PIP5K1A: variants seen among roughly 807,000 people sequenced by gnomAD.
PIP5K1A encodes phosphatidylinositol 4-phosphate 5-kinase type-1 alpha.
PIP5K1A carries 46 observed loss-of-function variants against 72.9 expected under a neutral mutation model. That is an observed-to-expected ratio of 0.63 (90% CI 0.50 to 0.81). The LOEUF is 0.81. Among genes scored for constraint, PIP5K1A ranks in the 30% least tolerant of loss-of-function variants. The pLI is 0.00. For missense variants in PIP5K1A, 458 were observed against 706.1 expected (o/e 0.65, Z 3.98); for synonymous variants, 228 against 255.1 (o/e 0.89, Z 1.01).
chr1:151,202,350 A>G (rs1017415403), intron 1 of PIP5K1A, among the ~76,000 whole-genome samples: 2 of 152,242 alleles, frequency 1.3e-5, no homozygotes, highest in African/African-American at 4.8e-5. Flanking sequence ...GAATTTCTAC[A>G]GGGCCAGCCT....
chr1:151,224,061 T>TG (rs1688769082), intron 1 of PIP5K1A, 184 bp from the exon 2 acceptor site: 2 of 625,306 alleles, frequency 3.2e-6, no homozygotes, highest in South Asian at 4.0e-5. Context: ...ACGAGGCCTA[T>TG]GTGAGTATGG....
intron 1 of PIP5K1A, among the ~76,000 whole-genome samples, chr1:151,200,976 C>A (rs2101834232): frequency 6.6e-6 from 1 of 152,062 alleles, no homozygotes; most frequent in East Asian, 1.9e-4. Flanking sequence ...ACTACAGGCG[C>A]CCACCACCAC....
chr1:151,206,652 A>T (rs1685973388), intron 1 of PIP5K1A, among the ~76,000 whole-genome samples: 1 of 151,626 alleles, frequency 6.6e-6, no homozygotes, highest in South Asian at 2.1e-4. Context: ...TGCAACCTCC[A>T]CCTCCCGGGT....
chr1:151,242,246 C>G lies in PIP5K1A; in HGVS notation c.1487C>G (p.Thr496Arg), dbSNP rs1691846719. The G allele has an allele frequency of 6.2e-7, 1 of 1,614,030 alleles. No homozygotes were observed. Among genetic ancestry groups the G allele is most frequent in the Non-Finnish European group, 8.5e-7 (1 of 1,180,016 alleles). ...SVSGEHKAQV[T>R]TKAEVEPGVH... The stretch of plus-strand genomic sequence containing the variant: ...TCTGGGGAACACAAGGCACAAGTGA[C>G]AACAAAGGCAGAAGTGGAGCCAGGT... The change falls in exon 13 of 16, where the codon ACA becomes AGA. Residue 496 changes from threonine (T) to arginine (R), a missense_variant. Coordinates refer to ENST00000368888, the MANE Select transcript of PIP5K1A (RefSeq NM_001135638.2).
chr1:151,210,917 A>T lies in PIP5K1A; in HGVS notation c.85+11836A>T, dbSNP rs587716566. Among the ~76,000 whole-genome samples the T allele has an allele frequency of 1.4e-4, 21 of 152,252 alleles. No individual in the cohort carries two copies. The South Asian group carries it at 4.1e-3, about 30-fold the overall frequency. ...GACATATTTATGTAGTAGTGTTGGT[A>T]GGCAATTAAATTGGACCTCAGGGAT... On this transcript the variant is annotated intron_variant, in intron 1 of 15. Coordinates refer to ENST00000368888, the MANE Select transcript of PIP5K1A (RefSeq NM_001135638.2).
intron 13 of PIP5K1A, 34 bp from the exon 14 acceptor site, chr1:151,242,404 T>A: frequency 6.2e-7 from 1 of 1,613,190 alleles, no homozygotes; most frequent in African/African-American, 1.3e-5. Flanking sequence ...TTCCTTGTAT[T>A]TACTGTACCC....
At chr1:151,247,326 A>G (rs1018089911) in intron 15 of PIP5K1A, among the ~76,000 whole-genome samples, 6 of 151,924 alleles carry the variant, frequency 3.9e-5, no homozygotes, top group Non-Finnish European at 8.8e-5. Flanking sequence ...GCAGGGTTTC[A>G]TCATATTGGA....
intron 1 of PIP5K1A, among the ~76,000 whole-genome samples, chr1:151,206,543 G>T (rs1685952989): frequency 6.6e-6 from 1 of 152,004 alleles, no homozygotes; most frequent in Non-Finnish European, 1.5e-5. Context: ...TTTAATTAGA[G>T]TATATTAATA....
intron 1 of PIP5K1A, chr1:151,224,025 G>T: frequency 3.5e-6 from 2 of 567,338 alleles, no homozygotes. Flanking sequence ...AATAAGAAAG[G>T]GGTCTAGAAT....
chr1:151,200,535 C>CT (rs1166200649), intron 1 of PIP5K1A, among the ~76,000 whole-genome samples: 1 of 152,036 alleles, frequency 6.6e-6, no homozygotes, highest in Non-Finnish European at 1.5e-5. Context: ...GGATGCTTTG[C>CT]TTGAGATTTT....
At chr1:151,218,147 C>T (rs1687903582) in intron 1 of PIP5K1A, among the ~76,000 whole-genome samples, 3 of 152,152 alleles carry the variant, frequency 2.0e-5, no homozygotes, top group Non-Finnish European at 4.4e-5. Context: ...AGGACCTTAA[C>T]GTCTGTAAAA....
At chr1:151,240,313 A>C in intron 12 of PIP5K1A, 3 of 400,844 alleles carry the variant, frequency 7.5e-6, no homozygotes, top group Non-Finnish European at 9.0e-6. Flanking sequence ...TAAATAAATA[A>C]TGTGTAGTTG....
intron 14 of PIP5K1A, among the ~76,000 whole-genome samples, chr1:151,246,256 C>T (rs1258393747): frequency 2.6e-5 from 4 of 152,064 alleles, no homozygotes; most frequent in Admixed American, 6.6e-5. Flanking sequence ...AAAAAGAAAA[C>T]AAAAATTTGT....
chr1:151,238,369 C>G (rs956449378), intron 10 of PIP5K1A, 104 bp downstream of exon 10: 1 of 763,624 alleles, frequency 1.3e-6, no homozygotes, highest in Admixed American at 2.0e-5. Context: ...GAAGCAAGAA[C>G]AGTGAGTTGC....
chr1:151,205,431 T>C (rs61817972), intron 1 of PIP5K1A, among the ~76,000 whole-genome samples: 101,937 of 151,652 alleles, frequency 0.67, 34,506 homozygotes, highest in Non-Finnish European at 0.71. Context: ...CTGCCTTGGC[T>C]TCCCAAAGTT....
In PIP5K1A at chr1:151,242,519, CCA is replaced by C. The variant is rs1204461881; in HGVS notation, c.1593_1594del (p.Ser532PhefsTer22). On this transcript the variant is annotated frameshift_variant, in exon 14 of 16. Coordinates refer to ENST00000368888, the MANE Select transcript of PIP5K1A (RefSeq NM_001135638.2). LOFTEE classifies it high-confidence loss of function. Reference sequence around the variant, plus strand: ...AGTGAGGGCTCGCCTATTCCTGACCCCAGTTTCTCACCTCTAGTTGGAGAGAC... The same window carrying C: ...AGTGAGGGCTCGCCTATTCCTGACCCGTTTCTCACCTCTAGTTGGAGAGAC... 1 of 1,613,754 alleles carries C rather than the reference CCA, an allele frequency of 6.2e-7. No homozygotes were observed. The highest frequency in any genetic ancestry group is 1.7e-5 in the Admixed American group (1 of 60,002).
At chr1:151,228,114 C>T (rs1452649466) in intron 4 of PIP5K1A, among the ~76,000 whole-genome samples, 1 of 151,922 alleles carries the variant, frequency 6.6e-6, no homozygotes, top group Non-Finnish European at 1.5e-5. Flanking sequence ...TACAAATATA[C>T]ACAATAGGTC....
chr1:151,240,981 G>A (rs1272692039), intron 12 of PIP5K1A, among the ~76,000 whole-genome samples: 1 of 151,930 alleles, frequency 6.6e-6, no homozygotes, highest in Non-Finnish European at 1.5e-5. Flanking sequence ...TCTAACCAAC[G>A]TGTTGAAACC....
chr1:151,239,172 T>C lies in PIP5K1A; in HGVS notation c.1272T>C (p.His424=), dbSNP rs769268654. The change falls in exon 11 of 16, where the codon CAT becomes CAC. Residue 424 remains histidine, a synonymous_variant. Transcript: ENST00000368888. ...KLEHSWKALV[H]DGDTVSVHRP... ...AGCACTCTTGGAAAGCCCTGGTACATGACGGAGTAAGTAGTAATACTAGAG... is the reference window on the plus strand; with the variant it reads ...AGCACTCTTGGAAAGCCCTGGTACACGACGGAGTAAGTAGTAATACTAGAG... 1.9e-6 allele frequency: 3 copies of C among 1,607,132 alleles called. No individual in the cohort carries two copies. The highest frequency in any genetic ancestry group is 2.2e-5 in the South Asian group (2 of 90,892).
Sources: allele counts gnomAD v4.1 joint callset (sites outside exome capture counted in the v4.1 genomes callset), GRCh38; gene constraint gnomAD v4.1.1; transcripts MANE v1.5; gene names NCBI Gene and HGNC (gene_info 2026-07-23, HGNC 2026-07-21).